COX7B2: variants seen among roughly 807,000 people sequenced by gnomAD.
The protein encoded by COX7B2 is cytochrome c oxidase subunit 7B2, mitochondrial.
For synonymous variants in COX7B2, 37 were observed against 32.1 expected, an observed-to-expected ratio of 1.15 and a Z score of -0.51; for missense variants, 109 against 95.9, an observed-to-expected ratio of 1.14 and a Z score of -0.57.
intron 1 of COX7B2, among the ~76,000 whole-genome samples, chr4:46,864,225 G>T (rs1717504931): frequency 6.6e-6 from 1 of 152,146 alleles, no homozygotes; most frequent in African/African-American, 2.4e-5. Flanking sequence ...CTGCCATTAA[G>T]CTTCAGGGGA....
chr4:46,753,334 G>A (rs1325085551), intron 2 of COX7B2, among the ~76,000 whole-genome samples: 2 of 151,872 alleles, frequency 1.3e-5, no homozygotes, highest in East Asian at 1.9e-4. Context: ...CTTGCTAGTG[G>A]TCTATCAATT....
chr4:46,881,011 A>AAAAAAAAC, intron 1 of COX7B2, among the ~76,000 whole-genome samples: 1 of 148,946 alleles, frequency 6.7e-6, no homozygotes, highest in African/African-American at 2.5e-5. Context: ...AAAAAAAAAA[A>AAAAAAAAC]CTCTTGGATT....
intron 2 of COX7B2, among the ~76,000 whole-genome samples, chr4:46,749,301 T>C (rs1715205799): frequency 6.6e-6 from 1 of 152,126 alleles, no homozygotes; most frequent in African/African-American, 2.4e-5. Flanking sequence ...TTAAAATATC[T>C]CAAATCTGCT....
At chr4:46,772,887 T>C (rs141040060) in intron 2 of COX7B2, among the ~76,000 whole-genome samples, 4 of 152,268 alleles carry the variant, frequency 2.6e-5, no homozygotes, top group East Asian at 1.9e-4. Context: ...AAATTGCCAA[T>C]GGCGTTAGTT....
intron 1 of COX7B2, among the ~76,000 whole-genome samples, chr4:46,860,286 G>A (rs530299574): frequency 6.6e-6 from 1 of 152,198 alleles, no homozygotes; most frequent in Non-Finnish European, 1.5e-5. Context: ...TAACACTGAA[G>A]AGCTGTAAAA....
chr4:46,907,553 T>C (rs1300811496), intron 1 of COX7B2, among the ~76,000 whole-genome samples: 2 of 152,166 alleles, frequency 1.3e-5, no homozygotes, highest in African/African-American at 4.8e-5. Flanking sequence ...AAAATCTATA[T>C]GGTCTTTACA....
chr4:46,854,966 T>C (rs1716918842), intron 1 of COX7B2, among the ~76,000 whole-genome samples: 1 of 152,176 alleles, frequency 6.6e-6, no homozygotes, highest in African/African-American at 2.4e-5. Flanking sequence ...CATTATGTAT[T>C]TTATGAAGTT....
At chr4:46,780,899 C>A (rs1325256649) in intron 2 of COX7B2, among the ~76,000 whole-genome samples, 2 of 152,164 alleles carry the variant, frequency 1.3e-5, no homozygotes, top group Non-Finnish European at 2.9e-5. Flanking sequence ...AAGTCATTTT[C>A]ATAAGTCAAT....
intron 1 of COX7B2, among the ~76,000 whole-genome samples, chr4:46,897,618 G>A (rs1386798735): frequency 1.3e-5 from 2 of 152,054 alleles, no homozygotes; most frequent in African/African-American, 4.8e-5. Context: ...AATCCCTACG[G>A]CTGTCAACTC....
chr4:46,844,525 AC>A (rs1716138310), intron 2 of COX7B2, among the ~76,000 whole-genome samples: 1 of 151,972 alleles, frequency 6.6e-6, no homozygotes, highest in South Asian at 2.1e-4. Context: ...GGCGCTCTTA[AC>A]ACTGAAATGA....
At chr4:46,898,444 G>A (rs751255742) in intron 1 of COX7B2, among the ~76,000 whole-genome samples, 6 of 151,840 alleles carry the variant, frequency 4.0e-5, no homozygotes, top group Non-Finnish European at 7.4e-5. Flanking sequence ...TTGAGACAGG[G>A]TCTTGCTCTG....
chr4:46,897,259 A>C (rs1332745941), intron 1 of COX7B2, among the ~76,000 whole-genome samples: 1 of 152,144 alleles, frequency 6.6e-6, no homozygotes, highest in Non-Finnish European at 1.5e-5. Flanking sequence ...TAAAGGTTCC[A>C]ACTCCTTTCT....
intron 1 of COX7B2, among the ~76,000 whole-genome samples, chr4:46,851,769 A>C (rs1716703413): frequency 6.6e-6 from 1 of 152,118 alleles, no homozygotes. Flanking sequence ...TTGTCTAATG[A>C]TCTATCAAAT....
At chr4:46,746,573 G>C (rs571669164) in intron 2 of COX7B2, among the ~76,000 whole-genome samples, 2 of 152,302 alleles carry the variant, frequency 1.3e-5, no homozygotes, top group South Asian at 4.1e-4. Context: ...CATTGAGAGA[G>C]ACCAGTGGAC....
chr4:46,781,986 C>T (rs145584980), intron 2 of COX7B2, among the ~76,000 whole-genome samples: 1,567 of 152,268 alleles, frequency 0.01, 24 homozygotes, highest in African/African-American at 0.035. Flanking sequence ...CCCTGATGGG[C>T]GCCGCCCCCT....
chr4:46,808,625 A>G (rs1351666972), intron 2 of COX7B2, among the ~76,000 whole-genome samples: 1 of 151,862 alleles, frequency 6.6e-6, no homozygotes, highest in Admixed American at 6.6e-5. Context: ...CCAAATCTCA[A>G]TGGAAAAACT....
At chr4:46,739,171 G>T (rs910508648) in intron 2 of COX7B2, among the ~76,000 whole-genome samples, 1 of 152,064 alleles carries the variant, frequency 6.6e-6, no homozygotes, top group African/African-American at 2.4e-5. Flanking sequence ...TGAAAAAATG[G>T]TGTGGAAGGA....
At chr4:46,748,744 C>A (rs1190476629) in intron 2 of COX7B2, among the ~76,000 whole-genome samples, 1 of 152,126 alleles carries the variant, frequency 6.6e-6, no homozygotes, top group Non-Finnish European at 1.5e-5. Flanking sequence ...CTCTTCATGT[C>A]TATATGGCTA....
chr4:46,834,391 C>T (rs1011816436), intron 2 of COX7B2, among the ~76,000 whole-genome samples: 2 of 151,882 alleles, frequency 1.3e-5, no homozygotes, highest in Non-Finnish European at 2.9e-5. Flanking sequence ...GCTAGAATAA[C>T]TAAACTAGTA....
Sources: allele counts gnomAD v4.1 joint callset (sites outside exome capture counted in the v4.1 genomes callset), GRCh38; gene constraint gnomAD v4.1.1; transcripts MANE v1.5; gene names NCBI Gene and HGNC (gene_info 2026-07-23, HGNC 2026-07-21).